The following MTMR2 variants were observed in gnomAD, a reference collection of about 807,000 sequenced individuals.
MTMR2 encodes the protein myotubularin related protein 2, also known as phosphatidylinositol-3,5-bisphosphate 3-phosphatase MTMR2.
MTMR2 carries 55 observed loss-of-function variants against 86.9 expected under a neutral mutation model. The ratio of observed to expected loss-of-function variants is 0.63; its 90% confidence interval spans 0.51 to 0.79. The LOEUF is 0.79. Among genes scored for constraint, MTMR2 ranks in the 30% least tolerant of loss-of-function variants. The pLI is 0.00. For missense variants in MTMR2, 659 were observed against 772.3 expected (o/e 0.85, Z 1.74); for synonymous variants, 241 against 266.8 (o/e 0.90, Z 0.94).
chr11:95,857,861 T>C (rs1453920054), intron 6 of MTMR2, among the ~76,000 whole-genome samples: 1 of 152,202 alleles, frequency 6.6e-6, no homozygotes, highest in Non-Finnish European at 1.5e-5. Context: ...ACAAAACTTA[T>C]CAAATACCAA....
At chr11:95,912,582 A>C (rs1866551559) in intron 1 of MTMR2, among the ~76,000 whole-genome samples, 1 of 151,928 alleles carries the variant, frequency 6.6e-6, no homozygotes, top group South Asian at 2.1e-4. Context: ...TACTCATATA[A>C]AGTTACAAAT....
rs1285458819 is a variant in MTMR2 at position 95,835,421 on chromosome 11, G to A, written c.1801C>T (p.Leu601Phe). ...EPIHNRYKEL[L>F]AKRAELQKKV... ...TTCTGAAGCTCTGCTCGTTTAGCAA[G>A]AAGTTCTTTGTATCTGTTGTGAATA... The change falls in exon 15 of 15, where the codon CTT becomes TTT. Residue 601 changes from leucine to phenylalanine, a missense_variant. Leu to Phe is a conservative substitution (Grantham distance 22). Transcript: ENST00000346299. 4 of 1,612,908 alleles carry A rather than the reference G, an allele frequency of 2.5e-6. No homozygotes were observed. The highest frequency in any genetic ancestry group is 3.4e-6 in the Non-Finnish European group (4 of 1,179,298).
At chr11:95,869,088 T>G (rs1338181833) in intron 2 of MTMR2, among the ~76,000 whole-genome samples, 1 of 152,002 alleles carries the variant, frequency 6.6e-6, no homozygotes, top group East Asian at 1.9e-4. Flanking sequence ...CTAAAAAAAC[T>G]CCACATTCAC....
In MTMR2 at chr11:95,857,568, A is replaced by G. The variant is rs1864257431; in HGVS notation, c.638T>C (p.Leu213Ser). The change falls in exon 7 of 15, where the codon TTA (leucine) becomes TCA (serine). Residue 213 changes from leucine (L) to serine (S), a missense_variant. Around this residue, in one of 3 missense-constraint regions of MTMR2, gnomAD observed 387 missense variants for 526.3 expected, o/e 0.74. Transcript: ENST00000346299. Reference sequence around the variant, plus strand: ...AGTACATACCTGCCTTCTATACTCTAAAAGAGGGTCATATAGCTTCCACCC... The same window carrying G: ...AGTACATACCTGCCTTCTATACTCTGAAAGAGGGTCATATAGCTTCCACCC... ...ENGWKLYDPLLEYRRQGIPNE... is the reference protein window; with the variant it reads ...ENGWKLYDPLSEYRRQGIPNE... The G allele has an allele frequency of 2.5e-6, 4 of 1,609,820 alleles. No homozygotes were observed. In the African/African-American group the frequency reaches 5.3e-5, roughly 21 times the overall value.
At chr11:95,844,887 A>C (rs1431703497) in intron 11 of MTMR2, 66 bp downstream of exon 11, 1 of 1,390,840 alleles carries the variant, frequency 7.2e-7, no homozygotes, top group Admixed American at 1.7e-5. Flanking sequence ...TTTAAAAAAC[A>C]CATTTTTTTC....
intron 2 of MTMR2, among the ~76,000 whole-genome samples, chr11:95,867,416 A>G (rs1339761286): frequency 6.6e-6 from 1 of 152,208 alleles, no homozygotes; most frequent in Non-Finnish European, 1.5e-5. Flanking sequence ...AGGCACACAG[A>G]AACATGGGAG....
In MTMR2 at chr11:95,882,031, C is replaced by T. The variant is rs1865344537; in HGVS notation, c.186+6125G>A. On this transcript the variant is annotated intron_variant, in intron 2 of 14. Transcript: ENST00000346299. The stretch of plus-strand genomic sequence containing the variant: ...AGTTGATATTGTTGGTAAGGGAGGT[C>T]GTGGTGCTAATCATAAATAAATGCT... 2.6e-5 allele frequency among the ~76,000 whole-genome samples: 4 copies of T among 151,984 alleles called. No homozygotes were observed. The South Asian group carries it at 8.3e-4, about 32-fold the overall frequency.
intron 5 of MTMR2, among the ~76,000 whole-genome samples, chr11:95,860,686 A>G (rs192251201): frequency 1.3e-3 from 193 of 152,362 alleles, no homozygotes; most frequent in African/African-American, 4.3e-3. Flanking sequence ...GTGTTAGTTA[A>G]TTAGGCCTTA....
At chr11:95,911,194 T>G (rs570792900) in intron 1 of MTMR2, among the ~76,000 whole-genome samples, 2 of 152,290 alleles carry the variant, frequency 1.3e-5, no homozygotes, top group Admixed American at 6.5e-5. Context: ...TGGTGCATGT[T>G]GGCACTTAGT....
chr11:95,870,929 T>C (rs1483861538), intron 2 of MTMR2, among the ~76,000 whole-genome samples: 1 of 151,816 alleles, frequency 6.6e-6, no homozygotes, highest in Non-Finnish European at 1.5e-5. Context: ...ATGCTCCCCT[T>C]CCTGTGTCCA....
chr11:95,895,649 T>C (rs1246676634), intron 1 of MTMR2, among the ~76,000 whole-genome samples: 1 of 152,124 alleles, frequency 6.6e-6, no homozygotes, highest in African/African-American at 2.4e-5. Flanking sequence ...CAGGCACTGC[T>C]TGTGGGAATG....
At chr11:95,923,652 G>T in intron 1 of MTMR2, 1 of 1,410,038 alleles carries the variant, frequency 7.1e-7, no homozygotes, top group Non-Finnish European at 9.2e-7. Context: ...ATCGGAATAT[G>T]AAAGGTAGAG....
chr11:95,884,404 T>C (rs1565372382), intron 2 of MTMR2, among the ~76,000 whole-genome samples: 1 of 152,150 alleles, frequency 6.6e-6, no homozygotes. Flanking sequence ...ACTTAGCATT[T>C]AAAAAAGTTT....
In MTMR2 at chr11:95,851,206, C is replaced by T. The variant is rs184047545; in HGVS notation, c.655-457G>A. 4.3e-3 allele frequency among the ~76,000 whole-genome samples: 646 copies of T among 151,002 alleles called. 6 individuals are homozygous for T. Among genetic ancestry groups the T allele is most frequent in the Admixed American group, 0.028 (424 of 15,172 alleles). On this transcript the variant is annotated intron_variant, in intron 7 of 14. Coordinates refer to ENST00000346299, the MANE Select transcript of MTMR2 (RefSeq NM_016156.6). Reference sequence around the variant, plus strand: ...ACCTCCTGAGTAGCTGGGACTACAGCCGTACGCCACCATGCTGGGCTAATT... The same window carrying T: ...ACCTCCTGAGTAGCTGGGACTACAGTCGTACGCCACCATGCTGGGCTAATT...
chr11:95,913,532 G>A (rs1195173391), intron 1 of MTMR2, among the ~76,000 whole-genome samples: 2 of 152,070 alleles, frequency 1.3e-5, no homozygotes, highest in South Asian at 2.1e-4. Context: ...CTGAAACCTA[G>A]GAAGTTAAAT....
intron 2 of MTMR2, among the ~76,000 whole-genome samples, chr11:95,875,980 C>A (rs1242479315): frequency 6.6e-6 from 1 of 152,142 alleles, no homozygotes; most frequent in Non-Finnish European, 1.5e-5. Context: ...CAGAGAAGTA[C>A]CCGGCCATGT....
At chr11:95,880,035 G>T (rs1234970020) in intron 2 of MTMR2, among the ~76,000 whole-genome samples, 2 of 151,422 alleles carry the variant, frequency 1.3e-5, no homozygotes, top group Non-Finnish European at 2.9e-5. Flanking sequence ...AGTTATTATA[G>T]AATTTTTCTC....
intron 1 of MTMR2, chr11:95,914,245 A>G: frequency 2.0e-6 from 2 of 978,112 alleles, no homozygotes; most frequent in Non-Finnish European, 1.2e-6. Context: ...CACTTACATT[A>G]TAATTTTTGA....
At chr11:95,863,385 G>C (rs1342663665) in intron 3 of MTMR2, among the ~76,000 whole-genome samples, 1 of 152,136 alleles carries the variant, frequency 6.6e-6, no homozygotes, top group Non-Finnish European at 1.5e-5. Flanking sequence ...TTTGAAATGA[G>C]ACTGATCTTT....
Sources: allele counts gnomAD v4.1 joint callset (sites outside exome capture counted in the v4.1 genomes callset), GRCh38; gene constraint gnomAD v4.1.1; regional missense constraint gnomAD v4.1.1; transcripts MANE v1.5; gene names NCBI Gene and HGNC (gene_info 2026-07-23, HGNC 2026-07-21).